ACTN2: variants seen among roughly 807,000 people sequenced by gnomAD.
ACTN2 encodes the protein alpha-actinin-2.
A neutral mutation model predicts 113.8 loss-of-function variants in ACTN2; 39 were observed. The ratio of observed to expected loss-of-function variants is 0.34; its 90% CI spans 0.27 to 0.45. The LOEUF is 0.45. Ranked by LOEUF, ACTN2 falls within the 20% of genes least tolerant of loss-of-function variation. The pLI is 1.00. For missense variants in ACTN2, 992 were observed against 1,177.9 expected, an observed-to-expected ratio of 0.84 and a Z score of 2.31; for synonymous variants, 429 against 444.1, an observed-to-expected ratio of 0.97 and a Z score of 0.43.
At chr1:236,737,291 G>A (rs568150040) in intron 9 of ACTN2, 77 bp downstream of exon 9, 16 of 439,358 alleles carry the variant, frequency 3.6e-5, no homozygotes, top group African/African-American at 1.4e-4. Flanking sequence ...AAAATACTCC[G>A]TGGGGGCATA....
At chr1:236,719,342 A>C (rs1004642380) in intron 3 of ACTN2, among the ~76,000 whole-genome samples, 1 of 152,216 alleles carries the variant, frequency 6.6e-6, no homozygotes, top group Admixed American at 6.5e-5. Context: ...TTTGTTCTCT[A>C]TGGGAGACTG....
chr1:236,742,031 C>T (rs1174894305), intron 10 of ACTN2, among the ~76,000 whole-genome samples: 2 of 152,078 alleles, frequency 1.3e-5, no homozygotes, highest in Non-Finnish European at 2.9e-5. Flanking sequence ...TTCCCCTTGC[C>T]CAGGAGCCCT....
rs2102954863 is a variant in ACTN2 at position 236,763,325 on chromosome 1, A to G, written c.*706A>G. Reference sequence around the variant, plus strand: ...AGAATAGAGACCTAAGGACACGTGGAAGTCAGTTTAATTGCCAGAGAGAAG... The same window carrying G: ...AGAATAGAGACCTAAGGACACGTGGGAGTCAGTTTAATTGCCAGAGAGAAG... On this transcript the variant is annotated 3_prime_UTR_variant, in exon 21 of 21. Transcript: ENST00000366578. 6.5e-6 allele frequency: 1 copy of G among 152,838 alleles called. No individual in the cohort carries two copies. The highest frequency in any genetic ancestry group is 1.9e-4 in the East Asian group (1 of 5,188). The allele number at this position is 152,838 out of a possible 1,614,324, so 9.5% of individuals were successfully genotyped here.
chr1:236,729,310 C>G (rs1026339482), intron 6 of ACTN2, among the ~76,000 whole-genome samples: 10 of 151,940 alleles, frequency 6.6e-5, no homozygotes, highest in Admixed American at 1.3e-4. Flanking sequence ...GGCGACAGAG[C>G]GAGACTCAGT....
intron 12 of ACTN2, 81 bp from the exon 13 acceptor site, chr1:236,747,586 G>T: frequency 7.9e-7 from 1 of 1,259,000 alleles, no homozygotes; most frequent in Non-Finnish European, 1.1e-6. Flanking sequence ...AAACTTCCCT[G>T]TTATTTTTCT....
intron 4 of ACTN2, among the ~76,000 whole-genome samples, chr1:236,721,019 TTTG>T (rs1381594890): frequency 0.067 from 4,246 of 63,012 alleles, 1,441 homozygotes; most frequent in Non-Finnish European, 0.12. Context: ...GTTTTTGTTT[TTTG>T]TTTTTTTTTT....
At chr1:236,761,430 T>TGA (rs1553305145) in intron 20 of ACTN2, among the ~76,000 whole-genome samples, 1 of 45,730 alleles carries the variant, frequency 2.2e-5, no homozygotes, top group Non-Finnish European at 6.3e-5. Context: ...TATTTGTACT[T>TGA]GCGTGTGTGT....
At chr1:236,751,089 CAAAAAAAAA>C (rs71178349) in intron 14 of ACTN2, among the ~76,000 whole-genome samples, 1 of 60,310 alleles carries the variant, frequency 1.7e-5, no homozygotes, top group Non-Finnish European at 2.9e-5. Flanking sequence ...GACCCTGTCT[CAAAAAAAAA>C]AAAAAAAAAA....
intron 1 of ACTN2, among the ~76,000 whole-genome samples, chr1:236,688,528 C>T (rs1165663454): frequency 6.6e-6 from 1 of 152,002 alleles, no homozygotes; most frequent in Non-Finnish European, 1.5e-5. Context: ...TTTGGGATTC[C>T]TATGTTGACT....
intron 12 of ACTN2, among the ~76,000 whole-genome samples, chr1:236,746,485 A>G (rs190317686): frequency 2.0e-5 from 3 of 152,164 alleles, no homozygotes; most frequent in African/African-American, 7.2e-5. Flanking sequence ...AGGAGGTAGG[A>G]CTGCTTGAGA....
intron 1 of ACTN2, among the ~76,000 whole-genome samples, chr1:236,707,677 TTTTC>T (rs1465582327): frequency 2.8e-5 from 4 of 144,000 alleles, no homozygotes; most frequent in Non-Finnish European, 6.2e-5. Flanking sequence ...TTCTTTTTTC[TTTTC>T]TTTCTTTTCT....
chr1:236,758,317 C>T (rs1222686250), intron 18 of ACTN2, among the ~76,000 whole-genome samples: 2 of 140,492 alleles, frequency 1.4e-5, no homozygotes, highest in South Asian at 4.3e-4. Flanking sequence ...GACGGAGTCT[C>T]GCTCTGTCAC....
intron 6 of ACTN2, among the ~76,000 whole-genome samples, chr1:236,728,385 C>T (rs1249321543): frequency 6.6e-6 from 1 of 152,122 alleles, no homozygotes; most frequent in Admixed American, 6.5e-5. Flanking sequence ...GCTCGTGATC[C>T]GCCCGCCTCA....
At chr1:236,706,862 G>A (rs967568633) in intron 1 of ACTN2, among the ~76,000 whole-genome samples, 2 of 152,200 alleles carry the variant, frequency 1.3e-5, no homozygotes, top group Non-Finnish European at 2.9e-5. Context: ...CGCACCTGCT[G>A]GGTGCTGGGT....
intron 1 of ACTN2, 40 bp from the exon 2 acceptor site, chr1:236,717,818 C>T (rs372129705): frequency 1.5e-5 from 21 of 1,412,092 alleles, no homozygotes; most frequent in East Asian, 2.3e-5. Context: ...ATCTGAAATC[C>T]GATGGACCTG....
chr1:236,709,255 T>TATAC (rs796606511), intron 1 of ACTN2, among the ~76,000 whole-genome samples: 168 of 68,864 alleles, frequency 2.4e-3, no homozygotes, highest in African/African-American at 5.8e-3. Flanking sequence ...TATATATATA[T>TATAC]ACACACACAC....
At chr1:236,704,569 A>G (rs887675214) in intron 1 of ACTN2, among the ~76,000 whole-genome samples, 4 of 152,172 alleles carry the variant, frequency 2.6e-5, no homozygotes, top group African/African-American at 4.8e-5. Flanking sequence ...GGTTTGATCA[A>G]TTTGCTAGAG....
intron 7 of ACTN2, among the ~76,000 whole-genome samples, chr1:236,731,554 T>G (rs1170651459): frequency 1.3e-5 from 2 of 152,244 alleles, no homozygotes; most frequent in African/African-American, 4.8e-5. Context: ...GGAAAAGGAT[T>G]TGGTAAAAAG....
chr1:236,696,734 C>T (rs552420984), intron 1 of ACTN2, among the ~76,000 whole-genome samples: 3 of 149,454 alleles, frequency 2.0e-5, no homozygotes, highest in Non-Finnish European at 4.4e-5. Flanking sequence ...GGCGCAATCT[C>T]GGCTCACTGC....
Sources: allele counts gnomAD v4.1 joint callset (sites outside exome capture counted in the v4.1 genomes callset), GRCh38; gene constraint gnomAD v4.1.1; transcripts MANE v1.5; gene names NCBI Gene and HGNC (gene_info 2026-07-23, HGNC 2026-07-21).